EYA4: variants seen among roughly 807,000 people sequenced by gnomAD.
EYA4 encodes protein phosphatase EYA4.
EYA4 carries 31 observed loss-of-function variants against 87.9 expected under a neutral mutation model. The observed-to-expected ratio is 0.35, with a 90% CI of 0.27 to 0.48. The LOEUF is 0.48. Among genes scored for constraint, EYA4 ranks in the 20% least tolerant of loss-of-function variants. EYA4 has a pLI of 0.99. For missense variants in EYA4, 678 were observed against 761.4 expected (o/e 0.89, Z 1.29); for synonymous variants, 263 against 270.6 (o/e 0.97, Z 0.28).
chr6:133,414,048 C>A (rs1789491916), intron 3 of EYA4, among the ~76,000 whole-genome samples: 1 of 152,162 alleles, frequency 6.6e-6, no homozygotes, highest in Admixed American at 6.5e-5. Flanking sequence ...TGTTACTACT[C>A]CAGTTCATAC....
At chr6:133,279,392 A>G (rs1425549060) in intron 2 of EYA4, among the ~76,000 whole-genome samples, 1 of 152,124 alleles carries the variant, frequency 6.6e-6, no homozygotes, top group East Asian at 1.9e-4. Flanking sequence ...AAATTAACTC[A>G]CATTCATTGG....
At chr6:133,328,410 T>C (rs1781669404) in intron 2 of EYA4, among the ~76,000 whole-genome samples, 1 of 152,150 alleles carries the variant, frequency 6.6e-6, no homozygotes, top group Admixed American at 6.5e-5. Context: ...GGGGGTTGAT[T>C]GCATAGGATG....
At chr6:133,357,226 C>A in intron 2 of EYA4, among the ~76,000 whole-genome samples, 1 of 142,470 alleles carries the variant, frequency 7.0e-6, no homozygotes, top group East Asian at 2.1e-4. Context: ...AGCCGAGATC[C>A]CGCCACTGCA....
At chr6:133,378,095 A>G (rs994585679) in intron 2 of EYA4, among the ~76,000 whole-genome samples, 3 of 152,126 alleles carry the variant, frequency 2.0e-5, no homozygotes, top group Non-Finnish European at 2.9e-5. Flanking sequence ...CAAGTTGTAT[A>G]CATTAAATAG....
chr6:133,302,545 G>A (rs553737550), intron 2 of EYA4, among the ~76,000 whole-genome samples: 31 of 152,258 alleles, frequency 2.0e-4, no homozygotes, highest in South Asian at 6.2e-4. Context: ...CAAACAATCC[G>A]TTATACTTGT....
chr6:133,457,453 C>A (rs1161321443), intron 6 of EYA4, among the ~76,000 whole-genome samples: 2 of 152,056 alleles, frequency 1.3e-5, no homozygotes, highest in Non-Finnish European at 2.9e-5. Flanking sequence ...TACTTTAATA[C>A]ATTTTACATT....
intron 2 of EYA4, among the ~76,000 whole-genome samples, chr6:133,373,508 ATTC>A (rs1298912175): frequency 6.6e-6 from 1 of 152,070 alleles, no homozygotes; most frequent in Non-Finnish European, 1.5e-5. Context: ...TACTGCTGGA[ATTC>A]TTCTTTCCTG....
chr6:133,379,764 G>C (rs1040744406), intron 2 of EYA4, among the ~76,000 whole-genome samples: 2 of 152,112 alleles, frequency 1.3e-5, no homozygotes, highest in Non-Finnish European at 2.9e-5. Context: ...TGATGTACCA[G>C]ATCAATGCCA....
At chr6:133,439,511 G>A (rs1351512321) in intron 3 of EYA4, 2 of 152,212 alleles carry the variant, frequency 1.3e-5, no homozygotes, top group African/African-American at 4.8e-5. Context: ...ATTAAAATCA[G>A]CAAAGGAAAA....
At chr6:133,440,800 T>A (rs1261205522) in intron 3 of EYA4, among the ~76,000 whole-genome samples, 1 of 152,206 alleles carries the variant, frequency 6.6e-6, no homozygotes, top group African/African-American at 2.4e-5. Context: ...GTTGTGAATG[T>A]CTGGGTAAGG....
At chr6:133,318,610 T>G (rs1780802498) in intron 2 of EYA4, among the ~76,000 whole-genome samples, 1 of 144,808 alleles carries the variant, frequency 6.9e-6, no homozygotes, top group Non-Finnish European at 1.5e-5. Flanking sequence ...AAAGTAATTT[T>G]AAGCCATTCT....
At chr6:133,405,576 T>C (rs1351411615) in intron 3 of EYA4, among the ~76,000 whole-genome samples, 1 of 152,216 alleles carries the variant, frequency 6.6e-6, no homozygotes, top group Non-Finnish European at 1.5e-5. Flanking sequence ...AACAAATTAA[T>C]TCAACAGTTA....
intron 2 of EYA4, among the ~76,000 whole-genome samples, chr6:133,282,225 CT>C (rs1170863285): frequency 1.3e-5 from 2 of 152,112 alleles, no homozygotes; most frequent in East Asian, 1.9e-4. Flanking sequence ...TAAGTGTTTC[CT>C]TTTTTTCTGC....
At chr6:133,400,671 T>C (rs1382150577) in intron 3 of EYA4, among the ~76,000 whole-genome samples, 1 of 151,904 alleles carries the variant, frequency 6.6e-6, no homozygotes, top group Non-Finnish European at 1.5e-5. Flanking sequence ...TAAAGGATAG[T>C]AATAAAGTAT....
chr6:133,243,831 AAACAAAAAGCAGTAGT>A (rs1274139883), intron 1 of EYA4, among the ~76,000 whole-genome samples: 3 of 152,208 alleles, frequency 2.0e-5, no homozygotes, highest in Non-Finnish European at 4.4e-5. Flanking sequence ...TTATCCCAAG[AAACAAAAAGCAGTAGT>A]AACAAGAGAC....
At chr6:133,527,688 G>A (rs910842239) in intron 19 of EYA4, among the ~76,000 whole-genome samples, 3 of 152,134 alleles carry the variant, frequency 2.0e-5, no homozygotes, top group Non-Finnish European at 4.4e-5. Flanking sequence ...GTGGCTGGTG[G>A]CTACCATAGT....
chr6:133,327,338 T>C (rs756753329), intron 2 of EYA4, among the ~76,000 whole-genome samples: 1 of 151,864 alleles, frequency 6.6e-6, no homozygotes, highest in Non-Finnish European at 1.5e-5. Context: ...CAGCATGTTG[T>C]CTAGGCTGGT....
chr6:133,354,145 C>G (rs941440931), intron 2 of EYA4, among the ~76,000 whole-genome samples: 1 of 152,092 alleles, frequency 6.6e-6, no homozygotes, highest in Non-Finnish European at 1.5e-5. Flanking sequence ...GACATAATAA[C>G]TGCATTAATG....
intron 6 of EYA4, 152 bp downstream of exon 6, chr6:133,456,800 A>G (rs905282179): frequency 5.9e-5 from 35 of 590,912 alleles, no homozygotes; most frequent in Middle Eastern, 2.7e-4. Context: ...ACTCATAGTC[A>G]TAGCAGTATG....
Sources: allele counts gnomAD v4.1 joint callset (sites outside exome capture counted in the v4.1 genomes callset), GRCh38; gene constraint gnomAD v4.1.1; transcripts MANE v1.5; gene names NCBI Gene and HGNC (gene_info 2026-07-23, HGNC 2026-07-21).